Variants in SMC6 observed in about 807,000 individuals in gnomAD.
SMC6 encodes the protein structural maintenance of chromosomes protein 6.
Under a neutral mutation model 142.2 loss-of-function variants are expected in SMC6, and 79 were observed. The ratio of observed to expected loss-of-function variants is 0.56; its 90% CI spans 0.46 to 0.67. SMC6 has a LOEUF of 0.67. SMC6 is among the 30% of genes least tolerant of loss of function. SMC6 has a pLI of 0.00. For missense variants in SMC6, 1,072 were observed against 1,284.0 expected (o/e 0.83, Z 2.52); for synonymous variants, 411 against 412.4 (o/e 1.00, Z 0.04).
intron 9 of SMC6, among the ~76,000 whole-genome samples, chr2:17,724,439 C>G (rs1343892881): frequency 6.6e-6 from 1 of 152,096 alleles, no homozygotes; most frequent in Non-Finnish European, 1.5e-5. Context: ...TTAGTATAAT[C>G]CTGCCTCAAA....
chr2:17,724,829 C>T lies in SMC6; in HGVS notation c.726+428G>A, dbSNP rs192217682. 2.2e-3 allele frequency among the ~76,000 whole-genome samples: 340 copies of T among 152,242 alleles called. 4 individuals are homozygous for T. The highest frequency in any genetic ancestry group is 7.2e-3 in the African/African-American group (298 of 41,534). On this transcript the variant is annotated intron_variant, in intron 9 of 27. Transcript: ENST00000448223. ...TATAATTACTATGATTTGTAGATTACGGTATATAATTATAAATGCATACTA... is the reference window on the plus strand; with the variant it reads ...TATAATTACTATGATTTGTAGATTATGGTATATAATTATAAATGCATACTA...
At chr2:17,715,848 A>C (rs1669058751) in intron 15 of SMC6, among the ~76,000 whole-genome samples, 1 of 152,172 alleles carries the variant, frequency 6.6e-6, no homozygotes, top group Non-Finnish European at 1.5e-5. Flanking sequence ...TTATTCATTC[A>C]TTTATTCAGA....
intron 9 of SMC6, among the ~76,000 whole-genome samples, chr2:17,724,402 A>G (rs1669517651): frequency 6.6e-6 from 1 of 152,230 alleles, no homozygotes; most frequent in Admixed American, 6.5e-5. Context: ...AAAGGTCAGT[A>G]TAACATAATG....
chr2:17,708,884 TAAC>T (rs1465427111), intron 16 of SMC6, 131 bp from the exon 17 acceptor site: 6 of 298,138 alleles, frequency 2.0e-5, no homozygotes, highest in Non-Finnish European at 1.2e-5. Context: ...AAATTATAAA[TAAC>T]AAGACAATAT....
chr2:17,743,922 C>CT (rs1440060374), intron 3 of SMC6, among the ~76,000 whole-genome samples: 1 of 152,138 alleles, frequency 6.6e-6, no homozygotes, highest in Non-Finnish European at 1.5e-5. Flanking sequence ...GGCTTAATAG[C>CT]TTAATACTAA....
At chr2:17,737,325 A>T (rs1351532838) in intron 5 of SMC6, among the ~76,000 whole-genome samples, 1 of 152,240 alleles carries the variant, frequency 6.6e-6, no homozygotes, top group Non-Finnish European at 1.5e-5. Context: ...AGTCTACTGA[A>T]TGAGAAAAAA....
rs529504048 is a variant in SMC6 at position 17,696,204 on chromosome 2, T to C, written c.2532+85A>G. 6 of 1,498,500 alleles carry C rather than the reference T, an allele frequency of 4.0e-6. No individual in the cohort carries two copies. The East Asian group carries it at 6.8e-5, about 17-fold the overall frequency. 92.8% of individuals were successfully genotyped at this position (1,498,500 alleles called of 1,614,324 possible). ...GAAATTCAGACAACTTTTCTGTTTT[T>C]AGAAACATGACATTAGGGAAAACAC... On this transcript the variant is annotated intron_variant, in intron 22 of 27. Coordinates refer to ENST00000448223, the MANE Select transcript of SMC6 (RefSeq NM_001142286.2).
At chr2:17,666,725 G>A (rs1666512587) in intron 26 of SMC6, among the ~76,000 whole-genome samples, 2 of 151,958 alleles carry the variant, frequency 1.3e-5, no homozygotes, top group African/African-American at 4.8e-5. Flanking sequence ...GCTCATGTTT[G>A]TAATCCCAAT....
chr2:17,665,892 T>C (rs897206880), intron 27 of SMC6, among the ~76,000 whole-genome samples: 4 of 152,230 alleles, frequency 2.6e-5, no homozygotes, highest in African/African-American at 9.7e-5. Flanking sequence ...TCTGTTATTG[T>C]CTAGCAAGGA....
intron 25 of SMC6, among the ~76,000 whole-genome samples, chr2:17,671,820 T>C (rs1002577260): frequency 6.6e-6 from 1 of 151,846 alleles, no homozygotes; most frequent in Admixed American, 6.6e-5. Flanking sequence ...CCTGAGAATA[T>C]ACAATAACAT....
chr2:17,747,723 C>T lies in SMC6; in HGVS notation c.-5-1772G>A, dbSNP rs764702799. On this transcript the variant is annotated intron_variant, in intron 2 of 27. Coordinates refer to ENST00000448223, the MANE Select transcript of SMC6 (RefSeq NM_001142286.2). The stretch of plus-strand genomic sequence containing the variant: ...TTTGCCATGTTGGCCAGGCTGATCT[C>T]GAACTTCTGACCTCAAGTGATCTGC... 2.0e-5 allele frequency among the ~76,000 whole-genome samples: 3 copies of T among 152,042 alleles called. No individual in the cohort carries two copies. In the East Asian group the frequency reaches 5.8e-4, roughly 29 times the overall value.
Position 17,718,168 on chromosome 2 carries a change from T to A in SMC6, c.1001A>T (p.Lys334Met). The A allele has an allele frequency of 6.2e-7, 1 of 1,610,836 alleles. No homozygotes were observed. Among genetic ancestry groups the A allele is most frequent in the East Asian group, 2.2e-5 (1 of 44,658 alleles). ...KYKDIQDKLE[K>M]ISEETNARAP... is the part of the protein sequence containing the mutation. ...TCGTGCATTTGTCTCTTCACTAATC[T>A]TTTCTAGTTTGTCTTGAATATCCTT... Residue 334 changes from lysine (K) to methionine (M), a missense_variant, in exon 12 of 28, where the codon AAG (lysine) becomes ATG (methionine). This residue lies in a region of SMC6 where 994 missense variants were observed against 1,153.2 expected (regional missense o/e 0.86). Transcript: ENST00000448223.
intron 5 of SMC6, among the ~76,000 whole-genome samples, chr2:17,736,144 G>C (rs1055618290): frequency 2.0e-5 from 3 of 152,128 alleles, no homozygotes; most frequent in African/African-American, 7.2e-5. Context: ...ATGAGGAAGG[G>C]GATAGATAAG....
chr2:17,682,233 C>T (rs1246117887), intron 24 of SMC6, among the ~76,000 whole-genome samples: 3 of 152,162 alleles, frequency 2.0e-5, no homozygotes, highest in African/African-American at 7.2e-5. Flanking sequence ...CCCTCAAGGA[C>T]ATCCAAGGGG....
intron 8 of SMC6, among the ~76,000 whole-genome samples, 182 bp downstream of exon 8, chr2:17,726,207 T>TA (rs1267066832): frequency 3.3e-5 from 5 of 150,998 alleles, no homozygotes; most frequent in African/African-American, 1.2e-4. Context: ...AACAAAGATT[T>TA]AAAAAAATTA....
chr2:17,682,570 C>A (rs1447382388), intron 24 of SMC6, among the ~76,000 whole-genome samples: 1 of 152,040 alleles, frequency 6.6e-6, no homozygotes, highest in African/African-American at 2.4e-5. Context: ...AAAGAAATAT[C>A]CAAAGGAAAT....
chr2:17,694,705 C>T (rs1667908432), intron 23 of SMC6, among the ~76,000 whole-genome samples: 1 of 152,188 alleles, frequency 6.6e-6, no homozygotes, highest in African/African-American at 2.4e-5. Context: ...TCAAGATACT[C>T]TTTCTTCAGA....
At chr2:17,710,631 G>A (rs1668783067) in intron 16 of SMC6, among the ~76,000 whole-genome samples, 1 of 152,072 alleles carries the variant, frequency 6.6e-6, no homozygotes. Context: ...TGAGGTCCTT[G>A]GGCCAAGTGA....
At position 17,738,223 on chromosome 2, in the gene SMC6, C is replaced by T; in HGVS notation, c.342G>A (p.Gln114=). The T allele has an allele frequency of 3.7e-6, 6 of 1,604,100 alleles. No individual in the cohort carries two copies. The highest frequency in any genetic ancestry group is 5.1e-6 in the Non-Finnish European group (6 of 1,172,662). The change falls in exon 5 of 28, where the codon CAG becomes CAA. Residue 114 remains glutamine, a splice_region_variant and synonymous_variant. Transcript: ENST00000448223. ...SSLKGFVKDG[Q]NSADISITLR... is the part of the protein sequence containing the mutation. The stretch of plus-strand genomic sequence containing the variant: ...GATGGTAGAAAGCAAACACTTACTT[C>T]TGTCCATCTTTCACAAAACCTTTTA...
Sources: allele counts gnomAD v4.1 joint callset (sites outside exome capture counted in the v4.1 genomes callset), GRCh38; gene constraint gnomAD v4.1.1; regional missense constraint gnomAD v4.1.1; transcripts MANE v1.5; gene names NCBI Gene and HGNC (gene_info 2026-07-23, HGNC 2026-07-21).